The following TNFAIP2 variants were observed in gnomAD, a reference collection of about 807,000 sequenced individuals.
TNFAIP2 encodes tumor necrosis factor alpha-induced protein 2.
Under a neutral mutation model 63.5 loss-of-function variants are expected in TNFAIP2, and 47 were observed. The observed-to-expected ratio is 0.74, with a 90% CI of 0.59 to 0.94. TNFAIP2 has a LOEUF of 0.94. Ranked by LOEUF, TNFAIP2 falls within the 40% of genes least tolerant of loss-of-function variation. The pLI, the probability that TNFAIP2 is intolerant of heterozygous loss-of-function variation, is 0.00. For missense variants in TNFAIP2, 787 were observed against 850.2 expected (o/e 0.93, Z 0.92); for synonymous variants, 405 against 390.2 (o/e 1.04, Z -0.45).
In TNFAIP2 at chr14:103,127,589, A is replaced by G. The variant is rs201875591; in HGVS notation, c.820A>G (p.Thr274Ala). 29 of 1,549,606 alleles carry G rather than the reference A, an allele frequency of 1.9e-5. No individual in the cohort carries two copies. The East Asian group carries it at 5.1e-4, about 27-fold the overall frequency. The change falls in exon 3 of 12, where the codon ACC becomes GCC. Residue 274 changes from threonine (T) to alanine (A), a missense_variant. This residue lies in a region of TNFAIP2 where 523 missense variants were observed against 604.1 expected (regional missense o/e 0.87). Transcript: ENST00000560869. The surrounding 1 kb of genome is among the most constrained non-coding windows in gnomAD (Gnocchi z 5.1). ...VAQFELCERD[T>A]YMLLLWVQNL... is the part of the protein sequence containing the mutation. ...GCAGTTCGAGCTGTGCGAGCGCGAC[A>G]CCTACATGCTGCTGCTCTGGGTGCA... is the stretch of plus-strand genomic sequence containing the variant.
chr14:103,126,894 T>G lies in TNFAIP2; in HGVS notation c.236-111T>G. The G allele has an allele frequency of 1.4e-6, 2 of 1,404,534 alleles. 1 individual carries two copies. Among genetic ancestry groups the G allele is most frequent in the Non-Finnish European group, 1.9e-6 (2 of 1,076,536 alleles). The allele number at this position is 1,404,534 out of a possible 1,614,324, so 87.0% of individuals were successfully genotyped here. A position where few individuals can be genotyped will look rare whatever the true frequency, so the allele number is the denominator to read the frequency against. ...ACACCGACATCACCCTTTAGGGTGT[T>G]GGCCGCCGGCCCTGTGCGCGTCTAG... On this transcript the variant is annotated intron_variant, in intron 2 of 11. Coordinates refer to ENST00000560869, the MANE Select transcript of TNFAIP2 (RefSeq NM_006291.4).
Position 103,131,310 on chromosome 14 carries a change from A to C in TNFAIP2, c.1298+160A>C, listed in dbSNP as rs1193387454. 6.6e-6 allele frequency among the ~76,000 whole-genome samples: 1 copy of C among 152,150 alleles called. No individual in the cohort carries two copies. Among genetic ancestry groups the C allele is most frequent in the Non-Finnish European group, 1.5e-5 (1 of 68,022 alleles). On this transcript the variant is annotated intron_variant, in intron 7 of 11. Coordinates refer to ENST00000560869, the MANE Select transcript of TNFAIP2 (RefSeq NM_006291.4). This position sits in a 1 kb window ranked among gnomAD's most constrained non-coding sequence, Gnocchi z 4.0. ...ACGGCCTGCAGCAGCAGCAGCAAAC[A>C]TTTCCCAAGTGCTGGCTGGGGCAAG... is the stretch of plus-strand genomic sequence containing the variant.
At chr14:103,134,832 A>G (rs957849390) in intron 11 of TNFAIP2, among the ~76,000 whole-genome samples, 1 of 152,234 alleles carries the variant, frequency 6.6e-6, no homozygotes, top group East Asian at 1.9e-4. Context: ...TACTAATGAC[A>G]TAATCAGGCA....
chr14:103,133,952 A>G (rs1414530719), intron 11 of TNFAIP2, 149 bp downstream of exon 11: 1 of 1,033,710 alleles, frequency 9.7e-7, no homozygotes, highest in Admixed American at 3.4e-5. Context: ...GGCCTTCACC[A>G]CAGCACTACG....
chr14:103,127,771 G>T lies in TNFAIP2; in HGVS notation c.860+142G>T. On this transcript the variant is annotated intron_variant, in intron 3 of 11. Coordinates refer to ENST00000560869, the MANE Select transcript of TNFAIP2 (RefSeq NM_006291.4). The surrounding 1 kb of genome is among the most constrained non-coding windows in gnomAD (Gnocchi z 5.1). ...GTTTTGGGTCCGAGAATGCAGGGGTGGGACTTGGACTCCCTGGGGCAGAGC... is the reference window on the plus strand; with the variant it reads ...GTTTTGGGTCCGAGAATGCAGGGGTTGGACTTGGACTCCCTGGGGCAGAGC... The T allele has an allele frequency of 1.0e-6, 1 of 994,864 alleles. No homozygotes were observed. The highest frequency in any genetic ancestry group is 2.1e-5 in the South Asian group (1 of 46,524). 61.6% of individuals were successfully genotyped at this position (994,864 alleles called of 1,614,324 possible).
rs1305662147 is a variant in TNFAIP2, at chr14:103,127,418, T to C, written c.649T>C (p.Phe217Leu). 6.3e-7 allele frequency: 1 copy of C among 1,576,640 alleles called. No individual in the cohort carries two copies. Among genetic ancestry groups the C allele is most frequent in the African/African-American group, 1.3e-5 (1 of 74,594 alleles). ...AAGAEVPESV[F>L]LHLGRTMKED... ...GGGCGCCGAGGTCCCCGAGAGCGTCTTTCTGCACTTGGGCCGCACCATGAA... is the reference window on the plus strand; with the variant it reads ...GGGCGCCGAGGTCCCCGAGAGCGTCCTTCTGCACTTGGGCCGCACCATGAA... The change falls in exon 3 of 12, where the codon TTT becomes CTT. Residue 217 changes from phenylalanine (F) to leucine (L), a missense_variant. Phe to Leu is a conservative substitution (Grantham distance 22). Coordinates refer to ENST00000560869, the MANE Select transcript of TNFAIP2 (RefSeq NM_006291.4). The surrounding 1 kb of genome is among the most constrained non-coding windows in gnomAD (Gnocchi z 5.1).
rs1012603967 is a variant in TNFAIP2, at chr14:103,136,070, C to T, written c.*710C>T. On this transcript the variant is annotated 3_prime_UTR_variant, in exon 12 of 12. Coordinates refer to ENST00000560869, the MANE Select transcript of TNFAIP2 (RefSeq NM_006291.4). Reference sequence around the variant, plus strand: ...TCCCCCGAGGGCTTGGTGTCTACTACCGAAGGGCCCAAGACCTCCTGGGTC... The same window carrying T: ...TCCCCCGAGGGCTTGGTGTCTACTATCGAAGGGCCCAAGACCTCCTGGGTC... 1.2e-5 allele frequency: 15 copies of T among 1,211,978 alleles called. No individual in the cohort carries two copies. Among genetic ancestry groups the T allele is most frequent in the African/African-American group, 9.5e-5 (6 of 63,378 alleles). 75.1% of individuals were successfully genotyped at this position (1,211,978 alleles called of 1,614,324 possible).
chr14:103,131,099 C>A lies in TNFAIP2; in HGVS notation c.1247C>A (p.Thr416Lys). Residue 416 changes from threonine (T) to lysine (K), a missense_variant, in exon 7 of 12, where the codon ACG (threonine) becomes AAG (lysine). Physicochemically the swap from Thr to Lys is moderately conservative, Grantham distance 78. Transcript: ENST00000560869. This position sits in a 1 kb window ranked among gnomAD's most constrained non-coding sequence, Gnocchi z 4.0. ...NEFLERGKQL[T>K]NYRANVIANI... ...TTTCTGGAGAGAGGCAAGCAGCTGA[C>A]GAATTACAGGGCCAATGTTATTGCC... 1 of 1,614,172 alleles carries A rather than the reference C, an allele frequency of 6.2e-7. No homozygotes were observed. The highest frequency in any genetic ancestry group is 8.5e-7 in the Non-Finnish European group (1 of 1,180,034).
upstream of TNFAIP2, chr14:103,122,967 C>T: frequency 5.5e-6 from 2 of 363,954 alleles, no homozygotes; most frequent in Non-Finnish European, 1.1e-5. Flanking sequence ...CCCCCTTCCC[C>T]TTAGGGGGCC....
Position 103,135,283 on chromosome 14 carries a change from A to G in TNFAIP2, c.1888A>G (p.Ile630Val). The G allele has an allele frequency of 6.2e-7, 1 of 1,614,008 alleles. No homozygotes were observed. Among genetic ancestry groups the G allele is most frequent in the Non-Finnish European group, 8.5e-7 (1 of 1,179,998 alleles). ...GNLSNSEVKR[I>V]RSILDVSMGA... is the part of the protein sequence containing the mutation. The stretch of plus-strand genomic sequence containing the variant: ...CCTATCCAACAGTGAGGTCAAGCGC[A>G]TCCGGAGCATCTTGGACGTCAGCAT... The change falls in exon 12 of 12, where the codon ATC (isoleucine) becomes GTC (valine). Residue 630 changes from isoleucine (I) to valine (V), a missense_variant. Ile to Val is a conservative substitution (Grantham distance 29, BLOSUM62 3). Around this residue, in one of 3 missense-constraint regions of TNFAIP2, gnomAD observed 523 missense variants for 604.1 expected, o/e 0.87. Coordinates refer to ENST00000560869, the MANE Select transcript of TNFAIP2 (RefSeq NM_006291.4). This position sits in a 1 kb window ranked among gnomAD's most constrained non-coding sequence, Gnocchi z 7.6.
At chr14:103,125,545 G>GA (rs2087835170) in intron 1 of TNFAIP2, among the ~76,000 whole-genome samples, 1 of 152,254 alleles carries the variant, frequency 6.6e-6, no homozygotes, top group African/African-American at 2.4e-5. Context: ...AAGCCTTTGT[G>GA]ATGATGCTAC....
chr14:103,135,112 G>A lies in TNFAIP2; in HGVS notation c.1824-107G>A. ...GAGAGTGAAGTGCAGCCCCCTCGTGGGCCGGGCGTTGGCTGTCGGGCCCTG... is the reference window on the plus strand; with the variant it reads ...GAGAGTGAAGTGCAGCCCCCTCGTGAGCCGGGCGTTGGCTGTCGGGCCCTG... On this transcript the variant is annotated intron_variant, in intron 11 of 11. Coordinates refer to ENST00000560869, the MANE Select transcript of TNFAIP2 (RefSeq NM_006291.4). This position sits in a 1 kb window ranked among gnomAD's most constrained non-coding sequence, Gnocchi z 7.6. 1 of 1,419,448 alleles carries A rather than the reference G, an allele frequency of 7.0e-7. No individual in the cohort carries two copies. The allele number at this position is 1,419,448 out of a possible 1,614,324, so 87.9% of individuals were successfully genotyped here. A position where few individuals can be genotyped will look rare whatever the true frequency, so the allele number is the denominator to read the frequency against.
Position 103,127,368 on chromosome 14 carries a change from A to C in TNFAIP2, c.599A>C (p.Glu200Ala), listed in dbSNP as rs751708308. The C allele has an allele frequency of 1.0e-5, 15 of 1,441,410 alleles. No individual in the cohort carries two copies. In the Admixed American group the frequency reaches 3.8e-4, roughly 37 times the overall value. 89.3% of individuals were successfully genotyped at this position (1,441,410 alleles called of 1,614,324 possible). A position where few individuals can be genotyped will look rare whatever the true frequency, so the allele number is the denominator to read the frequency against. The part of the protein sequence containing the change: ...WRRGVAEAAE[E>A]RMGQRPAAGA... ...CGCGGCGTGGCGGAGGCGGCCGAGG[A>C]GCGCATGGGCCAGCGGCCGGCCGCG... Residue 200 changes from glutamate (E) to alanine (A), a missense_variant, in exon 3 of 12, where the codon GAG (glutamate) becomes GCG (alanine). By Grantham distance (107) the Glu-to-Ala change is moderately radical. Transcript: ENST00000560869. This position sits in a 1 kb window ranked among gnomAD's most constrained non-coding sequence, Gnocchi z 5.1.
intron 11 of TNFAIP2, 59 bp downstream of exon 11, chr14:103,133,862 G>A: frequency 6.6e-6 from 10 of 1,526,104 alleles, no homozygotes; most frequent in Non-Finnish European, 8.7e-6. Flanking sequence ...GGCCTCACAG[G>A]GCTGGCATTG....
rs888974985 is a variant in TNFAIP2 at position 103,135,728 on chromosome 14, G to A, written c.*368G>A. On this transcript the variant is annotated 3_prime_UTR_variant, in exon 12 of 12. Coordinates refer to ENST00000560869, the MANE Select transcript of TNFAIP2 (RefSeq NM_006291.4). This position sits in a 1 kb window ranked among gnomAD's most constrained non-coding sequence, Gnocchi z 7.6. ...CCCCTCCACAGTCGGCCTCATGACT[G>A]TCCTCCTCGTGGGTGGGGCCGAGGG... 14 of 1,255,232 alleles carry A rather than the reference G, an allele frequency of 1.1e-5. 1 individual carries two copies. The South Asian group carries it at 1.8e-4, about 17-fold the overall frequency. The allele number at this position is 1,255,232 out of a possible 1,614,324, so 77.8% of individuals were successfully genotyped here.
chr14:103,126,899 G>A, intron 2 of TNFAIP2, 106 bp from the exon 3 acceptor site: 2 of 1,403,070 alleles, frequency 1.4e-6, no homozygotes, highest in Non-Finnish European at 1.9e-6. Context: ...GGTGTTGGCC[G>A]CCGGCCCTGT....
At position 103,137,237 on chromosome 14, in the gene TNFAIP2, C is replaced by G. The variant is rs896958861; in HGVS notation, c.*1877C>G. 4.6e-5 allele frequency: 7 copies of G among 152,322 alleles called. No individual in the cohort carries two copies. Among genetic ancestry groups the G allele is most frequent in the African/African-American group, 1.7e-4 (7 of 41,446 alleles). The allele number at this position is 152,322 out of a possible 1,614,324, so 9.4% of individuals were successfully genotyped here. A position where few individuals can be genotyped will look rare whatever the true frequency, so the allele number is the denominator to read the frequency against. ...GGGGCCGGCTCTCTTGGGTCCGTCCCCTTTTCCCAGGTACTGCCTTACAAA... is the reference window on the plus strand; with the variant it reads ...GGGGCCGGCTCTCTTGGGTCCGTCCGCTTTTCCCAGGTACTGCCTTACAAA... On this transcript the variant is annotated 3_prime_UTR_variant, in exon 12 of 12. Transcript: ENST00000560869.
Position 103,132,815 on chromosome 14 carries a change from C to T in TNFAIP2, c.1488C>T (p.Ile496=), listed in dbSNP as rs149323424. 13 of 1,613,958 alleles carry T rather than the reference C, an allele frequency of 8.1e-6. No homozygotes were observed. Among genetic ancestry groups the T allele is most frequent in the South Asian group, 2.2e-5 (2 of 91,036 alleles). ...CTGTGGAGACCCTGGAAAACATCAT[C>T]GCCACTGTAGACACGAGGCTGCCTG... The part of the protein sequence containing the change: ...AAPVETLENI[I]ATVDTRLPEF... Residue 496 remains isoleucine (I), a synonymous_variant, in exon 9 of 12, where the codon ATC becomes ATT. Transcript: ENST00000560869.
chr14:103,132,672 T>G, intron 8 of TNFAIP2, 78 bp from the exon 9 acceptor site: 1 of 1,130,830 alleles, frequency 8.8e-7, no homozygotes, highest in Non-Finnish European at 1.2e-6. Context: ...TGTGTCTGTG[T>G]CTGCGTGTCT....
Sources: gnomAD v4.1 joint callset for allele counts (sites outside exome capture counted in the v4.1 genomes callset) on GRCh38, gnomAD v4.1.1 for gene constraint, gnomAD v4.1.1 regional missense constraint, Gnocchi (gnomAD v3.1) non-coding constraint, MANE v1.5 for transcripts, NCBI Gene and HGNC (gene_info 2026-07-23, HGNC 2026-07-21) for gene names.